Variants in CSMD3 observed in about 807,000 individuals in gnomAD.
The protein encoded by CSMD3 is CUB and sushi domain-containing protein 3.
A neutral mutation model predicts 435.2 loss-of-function variants in CSMD3; 177 were observed. The observed-to-expected ratio is 0.41, with a 90% CI of 0.36 to 0.46. CSMD3 has a LOEUF of 0.46. CSMD3 is among the 20% of genes least tolerant of loss of function. The pLI is 0.34. For synonymous variants in CSMD3, 1,656 were observed against 1,520.5 expected, an observed-to-expected ratio of 1.09 and a Z score of -2.07; for missense variants, 4,265 against 4,504.6, an observed-to-expected ratio of 0.95 and a Z score of 1.52.
intron 69 of CSMD3, among the ~76,000 whole-genome samples, chr8:112,229,282 T>G (rs1355539143): frequency 6.6e-6 from 1 of 151,974 alleles, no homozygotes; most frequent in Non-Finnish European, 1.5e-5. Flanking sequence ...AGGCTAGAAA[T>G]GGGAAGGTAA....
intron 5 of CSMD3, among the ~76,000 whole-genome samples, chr8:113,041,934 G>T (rs2087637254): frequency 6.6e-6 from 1 of 152,110 alleles, no homozygotes. Flanking sequence ...AGTTTTCTCA[G>T]TACCATTTGA....
chr8:112,845,440 C>A (rs571448080), intron 11 of CSMD3, among the ~76,000 whole-genome samples: 3 of 152,034 alleles, frequency 2.0e-5, no homozygotes, highest in Admixed American at 2.0e-4. Context: ...TAAACAGGGT[C>A]ACAAGACTGG....
At chr8:113,392,805 A>C (rs1331768386) in intron 1 of CSMD3, among the ~76,000 whole-genome samples, 2 of 151,990 alleles carry the variant, frequency 1.3e-5, no homozygotes, top group East Asian at 3.8e-4. Context: ...ATTATCTTCA[A>C]TGGTCATCAC....
At position 112,829,777 on chromosome 8, in the gene CSMD3, T is replaced by G. The variant is rs1193397726; in HGVS notation, c.1768A>C (p.Asn590His). The G allele has an allele frequency of 1.9e-6, 3 of 1,602,990 alleles. No individual in the cohort carries two copies. Among genetic ancestry groups the G allele is most frequent in the Admixed American group, 3.3e-5 (2 of 59,934 alleles). Residue 590 changes from asparagine to histidine, a missense_variant, in exon 12 of 71, where the codon AAT (asparagine) becomes CAT (histidine). By Grantham distance (68) the Asn-to-His change is moderately conservative. Around this residue, in one of 3 missense-constraint regions of CSMD3, gnomAD observed 731 missense variants for 755.4 expected, o/e 0.97. Transcript: ENST00000297405. ...AVNTNKVIQINFEEFDLEIGY... is the reference protein window; with the variant it reads ...AVNTNKVIQIHFEEFDLEIGY... ...ATCTCCAGATCAAATTCTTCAAAAT[T>G]TATCTGGATAACCTAGCAGTAAACA...
At chr8:113,408,381 G>T (rs972234332) in intron 1 of CSMD3, among the ~76,000 whole-genome samples, 1 of 152,068 alleles carries the variant, frequency 6.6e-6, no homozygotes, top group Non-Finnish European at 1.5e-5. Context: ...GAAAATTGAA[G>T]AAATAAAATT....
chr8:112,942,007 T>C (rs2083465499), intron 9 of CSMD3, among the ~76,000 whole-genome samples: 1 of 151,598 alleles, frequency 6.6e-6, no homozygotes, highest in Non-Finnish European at 1.5e-5. Flanking sequence ...GTTCTATGGG[T>C]TTTGACAAAC....
chr8:113,336,716 C>T (rs138659965), intron 1 of CSMD3, among the ~76,000 whole-genome samples: 1,754 of 152,156 alleles, frequency 0.012, 12 homozygotes, highest in Non-Finnish European at 0.016. Context: ...ACTCTGAACA[C>T]TAGATCTCTT....
chr8:113,392,472 TATC>T (rs1351425031), intron 1 of CSMD3, among the ~76,000 whole-genome samples: 1 of 152,140 alleles, frequency 6.6e-6, no homozygotes, highest in Non-Finnish European at 1.5e-5. Context: ...TATTTAATCT[TATC>T]AACCACTGTA....
chr8:112,806,168 A>G (rs1445963107), intron 12 of CSMD3, among the ~76,000 whole-genome samples: 2 of 152,232 alleles, frequency 1.3e-5, no homozygotes, highest in Non-Finnish European at 2.9e-5. Flanking sequence ...TAACTGTGTA[A>G]TAATTCCTCG....
chr8:112,860,752 G>C (rs74548504), intron 10 of CSMD3, among the ~76,000 whole-genome samples: 1 of 151,650 alleles, frequency 6.6e-6, no homozygotes, highest in African/African-American at 2.4e-5. Context: ...CTGATTATTC[G>C]CATGTGTTTT....
At chr8:113,009,221 T>C (rs2086167633) in intron 6 of CSMD3, among the ~76,000 whole-genome samples, 1 of 151,744 alleles carries the variant, frequency 6.6e-6, no homozygotes, top group African/African-American at 2.4e-5. Flanking sequence ...TAAATGGGGA[T>C]ACTTCATATT....
In CSMD3 at chr8:112,424,569, G is replaced by A. The variant is rs188620884; in HGVS notation, c.5396-15537C>T. 1.3e-3 allele frequency among the ~76,000 whole-genome samples: 196 copies of A among 152,216 alleles called. 1 individual carries two copies. Among genetic ancestry groups the A allele is most frequent in the African/African-American group, 4.6e-3 (193 of 41,546 alleles). The stretch of plus-strand genomic sequence containing the variant: ...CTCACTAGAGACCAAGAATAAGATA[G>A]GTAATTCCCTAAAATTATTCAGTTT... On this transcript the variant is annotated intron_variant, in intron 32 of 70. Coordinates refer to ENST00000297405, the MANE Select transcript of CSMD3 (RefSeq NM_198123.2).
intron 1 of CSMD3, among the ~76,000 whole-genome samples, chr8:113,392,882 T>C (rs922704147): frequency 6.6e-6 from 1 of 151,840 alleles, no homozygotes; most frequent in African/African-American, 2.4e-5. Context: ...GTTTCATGAA[T>C]TGATGAGGAC....
intron 63 of CSMD3, among the ~76,000 whole-genome samples, chr8:112,252,679 GTATATATA>G (rs10542301): frequency 0.14 from 19,247 of 141,316 alleles, 3,743 homozygotes; most frequent in African/African-American, 0.42. Context: ...ATGTGTGTGT[GTATATATA>G]TATATATATA....
chr8:112,467,004 G>T (rs1818023114), intron 32 of CSMD3, among the ~76,000 whole-genome samples: 1 of 152,152 alleles, frequency 6.6e-6, no homozygotes, highest in Admixed American at 6.5e-5. Context: ...TTGTGAATAA[G>T]AAATAAACAA....
intron 1 of CSMD3, among the ~76,000 whole-genome samples, chr8:113,408,827 A>C (rs934362613): frequency 5.9e-5 from 9 of 151,770 alleles, no homozygotes; most frequent in African/African-American, 2.2e-4. Flanking sequence ...ACCACACCCA[A>C]CTAATTTTTG....
At chr8:112,992,002 A>G (rs2085474590) in intron 6 of CSMD3, among the ~76,000 whole-genome samples, 1 of 151,878 alleles carries the variant, frequency 6.6e-6, no homozygotes, top group Non-Finnish European at 1.5e-5. Flanking sequence ...TCCTGTAATG[A>G]GTAAATTTTG....
chr8:113,345,907 TTGCC>T (rs904036009), intron 1 of CSMD3, among the ~76,000 whole-genome samples: 16 of 151,946 alleles, frequency 1.1e-4, no homozygotes. Context: ...GCTATGCTAT[TTGCC>T]TGCTTCTTTG....
At chr8:112,795,930 A>C (rs2078817612) in intron 13 of CSMD3, among the ~76,000 whole-genome samples, 1 of 152,166 alleles carries the variant, frequency 6.6e-6, no homozygotes, top group South Asian at 2.1e-4. Flanking sequence ...TAAATAATTC[A>C]AGTCTTAAGA....
Sources: allele counts gnomAD v4.1 joint callset (sites outside exome capture counted in the v4.1 genomes callset), GRCh38; gene constraint gnomAD v4.1.1; regional missense constraint gnomAD v4.1.1; transcripts MANE v1.5; gene names NCBI Gene and HGNC (gene_info 2026-07-23, HGNC 2026-07-21).